PAPPA2: variants seen among roughly 807,000 people sequenced by gnomAD.
PAPPA2 encodes pappalysin-2.
Under a neutral mutation model 176.4 loss-of-function variants are expected in PAPPA2, and 86 were observed. The observed-to-expected ratio is 0.49, with a 90% CI of 0.41 to 0.58. PAPPA2 has a LOEUF of 0.58. Ranked by LOEUF, PAPPA2 falls within the 20% of genes least tolerant of loss-of-function variation. The pLI, the probability that PAPPA2 is intolerant of heterozygous loss-of-function variation, is 0.00. For synonymous variants in PAPPA2, 809 were observed against 852.2 expected (o/e 0.95, Z 0.88); for missense variants, 2,073 against 2,256.9 (o/e 0.92, Z 1.65).
chr1:176,774,895 A>G (rs1016308833), intron 17 of PAPPA2, among the ~76,000 whole-genome samples: 2 of 152,166 alleles, frequency 1.3e-5, no homozygotes, highest in African/African-American at 2.4e-5. Flanking sequence ...CCTTCTTAGC[A>G]TAGGCTCTAA....
At chr1:176,586,508 G>A (rs1653320663) in intron 2 of PAPPA2, among the ~76,000 whole-genome samples, 1 of 152,024 alleles carries the variant, frequency 6.6e-6, no homozygotes, top group African/African-American at 2.4e-5. Flanking sequence ...TGTTCTCAAT[G>A]GTCAGCTCCC....
intron 14 of PAPPA2, among the ~76,000 whole-genome samples, chr1:176,753,599 T>C (rs927449546): frequency 7.0e-6 from 1 of 143,002 alleles, no homozygotes; most frequent in Admixed American, 7.0e-5. Context: ...GAGTGCATTT[T>C]AAAGCATTTA....
intron 4 of PAPPA2, among the ~76,000 whole-genome samples, chr1:176,684,093 T>G (rs1659719739): frequency 1.3e-5 from 2 of 152,192 alleles, no homozygotes; most frequent in South Asian, 2.1e-4. Flanking sequence ...AGGACCCAGG[T>G]GGCAGAGGCT....
At chr1:176,591,259 A>G (rs902864281) in intron 2 of PAPPA2, among the ~76,000 whole-genome samples, 3 of 152,216 alleles carry the variant, frequency 2.0e-5, no homozygotes, top group African/African-American at 7.2e-5. Context: ...ATCTCTTGGA[A>G]TTCTTTGGCT....
intron 2 of PAPPA2, among the ~76,000 whole-genome samples, chr1:176,566,365 A>G (rs569299022): frequency 1.6e-3 from 239 of 152,306 alleles, no homozygotes; most frequent in Middle Eastern, 3.4e-3. Context: ...CTCCAGCTTC[A>G]GTGCCTGGCA....
rs1558521378 is a variant in PAPPA2 at position 176,690,268 on chromosome 1, C to T, written c.2269C>T (p.Pro757Ser). Residue 757 changes from proline (P) to serine (S), a missense_variant, in exon 5 of 23, where the codon CCC (proline) becomes TCC (serine). This residue lies in a region of PAPPA2 where 1,196 missense variants were observed against 1,330.4 expected (regional missense o/e 0.90). Coordinates refer to ENST00000367662, the MANE Select transcript of PAPPA2 (RefSeq NM_020318.3). ...GVSERESCNDPCKETVPSMET... is the reference protein window; with the variant it reads ...GVSERESCNDSCKETVPSMET... ...CAGTGAAAGAGAATCCTGCAATGAC[C>T]CCTGCAAGGAGACAGTGCCATCCAT... is the stretch of plus-strand genomic sequence containing the variant. 6.2e-7 allele frequency: 1 copy of T among 1,614,042 alleles called. No homozygotes were observed. Among genetic ancestry groups the T allele is most frequent in the Admixed American group, 1.7e-5 (1 of 60,014 alleles).
At chr1:176,771,957 T>C (rs6671567) in intron 17 of PAPPA2, among the ~76,000 whole-genome samples, 62,852 of 151,968 alleles carry the variant, frequency 0.41, 14,402 homozygotes, top group African/African-American at 0.6. Context: ...CTCCTTCCTT[T>C]CTTCTAGGTC....
chr1:176,690,977 G>A lies in PAPPA2; in HGVS notation c.2431+547G>A, dbSNP rs548668965. 177 of 983,710 alleles carry A rather than the reference G, an allele frequency of 1.8e-4. No individual in the cohort carries two copies. In the African/African-American group the frequency reaches 3.0e-3, roughly 17 times the overall value. The allele number at this position is 983,710 out of a possible 1,614,324, so 60.9% of individuals were successfully genotyped here. A position where few individuals can be genotyped will look rare whatever the true frequency, so the allele number is the denominator to read the frequency against. On this transcript the variant is annotated intron_variant, in intron 5 of 22. Transcript: ENST00000367662. ...ACTAGTCAAGCACAAATTCTTAGCT[G>A]CCTACCACCCTTTCCCCACCAAAAG...
chr1:176,606,506 C>T (rs1356915298), intron 3 of PAPPA2, among the ~76,000 whole-genome samples: 1 of 152,102 alleles, frequency 6.6e-6, no homozygotes, highest in Non-Finnish European at 1.5e-5. Context: ...GCTCTGTCAC[C>T]CAGGCTGGAG....
At chr1:176,595,718 C>A in intron 3 of PAPPA2, 123 bp downstream of exon 3, 2 of 946,770 alleles carry the variant, frequency 2.1e-6, no homozygotes, top group Non-Finnish European at 3.1e-6. Context: ...TCCACCCCAT[C>A]AGACAGTATT....
intron 12 of PAPPA2, among the ~76,000 whole-genome samples, chr1:176,734,899 A>G (rs1662327521): frequency 1.3e-5 from 2 of 152,302 alleles, no homozygotes; most frequent in African/African-American, 4.8e-5. Context: ...TAAAGCTTTT[A>G]TGACTAAGAG....
intron 12 of PAPPA2, among the ~76,000 whole-genome samples, chr1:176,735,473 C>T (rs1662355090): frequency 6.6e-6 from 1 of 152,104 alleles, no homozygotes; most frequent in Non-Finnish European, 1.5e-5. Flanking sequence ...AGTTGAAATG[C>T]TTGGCTTGGG....
intron 21 of PAPPA2, chr1:176,836,542 C>G (rs1472902525): frequency 6.6e-6 from 1 of 152,192 alleles, no homozygotes; most frequent in Non-Finnish European, 1.5e-5. Flanking sequence ...TCTTATCAGC[C>G]AATCAGTCAA....
At position 176,844,965 on chromosome 1, in the gene PAPPA2, T is replaced by C. The variant is rs140582071; in HGVS notation, c.*2511T>C. The C allele has an allele frequency of 8.5e-5, 13 of 152,306 alleles. No homozygotes were observed. The highest frequency in any genetic ancestry group is 2.9e-4 in the African/African-American group (12 of 41,580). The allele number at this position is 152,306 out of a possible 1,614,324, so 9.4% of individuals were successfully genotyped here. ...GAAAGCAAAAGGAAAGTTCCTGTTGTGTGTGAAGAGCCTCTTAGGCTATAA... is the reference window on the plus strand; with the variant it reads ...GAAAGCAAAAGGAAAGTTCCTGTTGCGTGTGAAGAGCCTCTTAGGCTATAA... On this transcript the variant is annotated 3_prime_UTR_variant, in exon 23 of 23. Transcript: ENST00000367662.
chr1:176,692,327 G>C lies in PAPPA2; in HGVS notation c.2624+9G>C. 4 of 1,595,326 alleles carry C rather than the reference G, an allele frequency of 2.5e-6. No individual in the cohort carries two copies. Among genetic ancestry groups the C allele is most frequent in the Non-Finnish European group, 3.4e-6 (4 of 1,166,112 alleles). ...GGAGTTGTATATGACAGGTGAGAGAGGCACTGGCTGTGGGTGAGCTGGCTT... is the reference window on the plus strand; with the variant it reads ...GGAGTTGTATATGACAGGTGAGAGACGCACTGGCTGTGGGTGAGCTGGCTT... On this transcript the variant is annotated intron_variant, in intron 6 of 22. Coordinates refer to ENST00000367662, the MANE Select transcript of PAPPA2 (RefSeq NM_020318.3).
intron 3 of PAPPA2, among the ~76,000 whole-genome samples, chr1:176,623,804 T>TTTCC (rs1655842310): frequency 9.1e-6 from 1 of 109,784 alleles, no homozygotes; most frequent in Non-Finnish European, 1.9e-5. Context: ...TCTTTCTTTC[T>TTTCC]TTCTTCTTTC....
intron 21 of PAPPA2, among the ~76,000 whole-genome samples, chr1:176,806,758 G>A (rs1258328075): frequency 6.6e-6 from 1 of 152,178 alleles, no homozygotes; most frequent in Non-Finnish European, 1.5e-5. Flanking sequence ...TCACACCTCA[G>A]TAAAGCATGG....
At chr1:176,702,280 T>C (rs1660682848) in intron 8 of PAPPA2, among the ~76,000 whole-genome samples, 1 of 152,206 alleles carries the variant, frequency 6.6e-6, no homozygotes, top group African/African-American at 2.4e-5. Flanking sequence ...TTTAAATAGT[T>C]TTGTTTTGTT....
intron 2 of PAPPA2, among the ~76,000 whole-genome samples, chr1:176,571,681 T>A (rs1196790694): frequency 6.6e-6 from 1 of 152,234 alleles, no homozygotes; most frequent in East Asian, 1.9e-4. Flanking sequence ...TGCATGTATA[T>A]CAATGTGATA....
Sources: gnomAD v4.1 joint callset for allele counts (sites outside exome capture counted in the v4.1 genomes callset) on GRCh38, gnomAD v4.1.1 for gene constraint, gnomAD v4.1.1 regional missense constraint, MANE v1.5 for transcripts, NCBI Gene and HGNC (gene_info 2026-07-23, HGNC 2026-07-21) for gene names.